TMEM30A: variants seen among roughly 807,000 people sequenced by gnomAD.
TMEM30A encodes the protein cell cycle control protein 50A.
A neutral mutation model predicts 38.2 loss-of-function variants in TMEM30A; 24 were observed. The observed-to-expected ratio is 0.63, with a 90% CI of 0.46 to 0.88. The LOEUF is 0.88. Among genes scored for constraint, TMEM30A ranks in the 40% least tolerant of loss-of-function variants. The pLI is 0.00. For synonymous variants in TMEM30A, 145 were observed against 161.6 expected (o/e 0.90, Z 0.78); for missense variants, 370 against 458.6 (o/e 0.81, Z 1.77).
intron 1 of TMEM30A, among the ~76,000 whole-genome samples, chr6:75,275,484 T>C (rs1238985893): frequency 1.3e-5 from 2 of 152,294 alleles, no homozygotes; most frequent in Non-Finnish European, 2.9e-5. Context: ...ATCCTCTTAC[T>C]AGCATACTTA....
At chr6:75,265,579 A>C (rs1772055153) in intron 2 of TMEM30A, among the ~76,000 whole-genome samples, 1 of 152,240 alleles carries the variant, frequency 6.6e-6, no homozygotes, top group Admixed American at 6.5e-5. Flanking sequence ...ACGTCAAAAA[A>C]GTACTATTTA....
rs1771849492 is a variant in TMEM30A, at chr6:75,255,277, G to C, written c.*825C>G. 1 of 152,570 alleles carries C rather than the reference G, an allele frequency of 6.6e-6. No individual in the cohort carries two copies. Among genetic ancestry groups the C allele is most frequent in the African/African-American group, 2.4e-5 (1 of 41,460 alleles). 9.5% of individuals were successfully genotyped at this position (152,570 alleles called of 1,614,324 possible). A position where few individuals can be genotyped will look rare whatever the true frequency, so the allele number is the denominator to read the frequency against. On this transcript the variant is annotated 3_prime_UTR_variant, in exon 7 of 7. Transcript: ENST00000230461. ...ATTAAGCACTTACATGTGGTTTACA[G>C]TTGAGGCAGAAGATGAAGGTCTGCC...
chr6:75,260,682 A>G (rs1771950225), intron 4 of TMEM30A, 142 bp downstream of exon 4: 2 of 448,524 alleles, frequency 4.5e-6, no homozygotes, highest in South Asian at 6.7e-5. Flanking sequence ...ACAAATCATT[A>G]TAATACCCCA....
rs1330846046 is a variant in TMEM30A at position 75,255,701 on chromosome 6, T to C, written c.*401A>G. The stretch of plus-strand genomic sequence containing the variant: ...AAAGGTTAGCAAGTCATTATACTCA[T>C]ACATCTTGTAATCCCTTTCTCCACA... On this transcript the variant is annotated 3_prime_UTR_variant, in exon 7 of 7. Transcript: ENST00000230461. 1 of 155,634 alleles carries C rather than the reference T, an allele frequency of 6.4e-6. No homozygotes were observed. Among genetic ancestry groups the C allele is most frequent in the East Asian group, 1.9e-4 (1 of 5,308 alleles). The allele number at this position is 155,634 out of a possible 1,614,324, so 9.6% of individuals were successfully genotyped here. A position where few individuals can be genotyped will look rare whatever the true frequency, so the allele number is the denominator to read the frequency against.
intron 1 of TMEM30A, among the ~76,000 whole-genome samples, chr6:75,271,125 C>G (rs377336002): frequency 3.9e-5 from 6 of 152,180 alleles, no homozygotes; most frequent in African/African-American, 1.4e-4. Flanking sequence ...TAAGACTAAT[C>G]TAAGCATTAA....
rs1457049786 is a variant in TMEM30A, at chr6:75,256,030, A to G, written c.*72T>C. 2.8e-6 allele frequency: 3 copies of G among 1,062,768 alleles called. No individual in the cohort carries two copies. The Admixed American group carries it at 7.8e-5, about 28-fold the overall frequency. The allele number at this position is 1,062,768 out of a possible 1,614,324, so 65.8% of individuals were successfully genotyped here. On this transcript the variant is annotated 3_prime_UTR_variant, in exon 7 of 7. Coordinates refer to ENST00000230461, the MANE Select transcript of TMEM30A (RefSeq NM_018247.4). ...CAAAATGACATACTAACCAGATATC[A>G]GCATTCGAAAGCTAGGTTGAATAGG...
rs1231316956 is a variant in TMEM30A at position 75,255,380 on chromosome 6, A to ATAT, written c.*721_*722insATA. On this transcript the variant is annotated 3_prime_UTR_variant, in exon 7 of 7. Coordinates refer to ENST00000230461, the MANE Select transcript of TMEM30A (RefSeq NM_018247.4). ...TTCAAGGGAAATGATTACATATAAA[A>ATAT]ACATTCCAAGTGAGTTGGGGTTCCT... is the stretch of plus-strand genomic sequence containing the variant. The ATAT allele has an allele frequency of 6.6e-6, 1 of 152,540 alleles. No homozygotes were observed. Among genetic ancestry groups the ATAT allele is most frequent in the African/African-American group, 2.4e-5 (1 of 41,446 alleles). The allele number at this position is 152,540 out of a possible 1,614,324, so 9.4% of individuals were successfully genotyped here. A position where few individuals can be genotyped will look rare whatever the true frequency, so the allele number is the denominator to read the frequency against.
chr6:75,264,674 T>C (rs549961179), intron 3 of TMEM30A, among the ~76,000 whole-genome samples: 1 of 151,746 alleles, frequency 6.6e-6, no homozygotes, highest in Non-Finnish European at 1.5e-5. Flanking sequence ...AAAAAATACA[T>C]AGGCACTAAC....
chr6:75,284,702 C>T lies in TMEM30A; in HGVS notation c.-64G>A, dbSNP rs1486003412. On this transcript the variant is annotated 5_prime_UTR_variant, in exon 1 of 7. Coordinates refer to ENST00000230461, the MANE Select transcript of TMEM30A (RefSeq NM_018247.4). ...CACCCAGGGGGCCCGCCGGCTGACC[C>T]TGACAGGAACCGCTCGAGCGCCGCT... The T allele has an allele frequency of 5.2e-6, 8 of 1,551,198 alleles. No homozygotes were observed. The highest frequency in any genetic ancestry group is 1.7e-5 in the Admixed American group (1 of 59,820).
intron 1 of TMEM30A, 74 bp from the exon 2 acceptor site, chr6:75,267,822 A>G (rs1772094779): frequency 2.0e-6 from 2 of 982,310 alleles, no homozygotes; most frequent in Admixed American, 2.6e-5. Context: ...ACGACTTGCT[A>G]TTAAAAGGAA....
rs1451473111 is a variant in TMEM30A at position 75,254,245 on chromosome 6, G to C, written c.*1857C>G. 6.6e-6 allele frequency: 1 copy of C among 152,056 alleles called. No homozygotes were observed. The highest frequency in any genetic ancestry group is 2.4e-5 in the African/African-American group (1 of 41,412). The allele number at this position is 152,056 out of a possible 1,614,324, so 9.4% of individuals were successfully genotyped here. A position where few individuals can be genotyped will look rare whatever the true frequency, so the allele number is the denominator to read the frequency against. Reference sequence around the variant, plus strand: ...ATCCTCTGTGCCCCAGTTAGAAAAAGAGTTGCAGGATGGTAGTCCTCCTTA... The same window carrying C: ...ATCCTCTGTGCCCCAGTTAGAAAAACAGTTGCAGGATGGTAGTCCTCCTTA... On this transcript the variant is annotated 3_prime_UTR_variant, in exon 7 of 7. Coordinates refer to ENST00000230461, the MANE Select transcript of TMEM30A (RefSeq NM_018247.4).
At chr6:75,284,278 G>T in intron 1 of TMEM30A, 124 bp downstream of exon 1, 1 of 859,808 alleles carries the variant, frequency 1.2e-6, no homozygotes, top group South Asian at 1.4e-5. Flanking sequence ...AGAGGGAAGG[G>T]GGTGGTGGAC....
intron 4 of TMEM30A, among the ~76,000 whole-genome samples, chr6:75,259,700 C>T (rs903428996): frequency 6.6e-6 from 1 of 152,180 alleles, no homozygotes; most frequent in Non-Finnish European, 1.5e-5. Flanking sequence ...TAACAGAGTT[C>T]TAATTCAGTT....
chr6:75,281,059 G>C (rs2149525306), intron 1 of TMEM30A, among the ~76,000 whole-genome samples: 1 of 152,212 alleles, frequency 6.6e-6, no homozygotes, highest in South Asian at 2.1e-4. Context: ...CAAACGTGGG[G>C]AATGGGGAGC....
chr6:75,265,677 C>T (rs1362150988), intron 2 of TMEM30A, among the ~76,000 whole-genome samples: 1 of 152,082 alleles, frequency 6.6e-6, no homozygotes, highest in East Asian at 1.9e-4. Flanking sequence ...TGGTCTTCAC[C>T]CAGTTAGCAT....
At chr6:75,277,305 CAAAAAA>C (rs60419282) in intron 1 of TMEM30A, among the ~76,000 whole-genome samples, 1 of 91,720 alleles carries the variant, frequency 1.1e-5, no homozygotes. Context: ...TGTCCTCATC[CAAAAAA>C]AAAAAAAAAA....
chr6:75,271,349 A>G (rs1241315783), intron 1 of TMEM30A, among the ~76,000 whole-genome samples: 2 of 152,220 alleles, frequency 1.3e-5, no homozygotes, highest in Non-Finnish European at 2.9e-5. Context: ...TGGAACCAAG[A>G]GTAATCACTG....
At chr6:75,277,658 A>G (rs1049941857) in intron 1 of TMEM30A, among the ~76,000 whole-genome samples, 1 of 151,986 alleles carries the variant, frequency 6.6e-6, no homozygotes, top group Non-Finnish European at 1.5e-5. Flanking sequence ...TAATCCCAAC[A>G]CTCTGGGAGG....
rs567435807 is a variant in TMEM30A at position 75,282,949 on chromosome 6, T to C, written c.237+1453A>G. Among the ~76,000 whole-genome samples the C allele has an allele frequency of 2.0e-5, 3 of 152,262 alleles. No homozygotes were observed. In the East Asian group the frequency reaches 5.8e-4, roughly 29 times the overall value. ...TCCTTGCATGACACCGCTTTGCCCA[T>C]ATCCTAATATAATGTGGGATCCCAG... On this transcript the variant is annotated intron_variant, in intron 1 of 6. Transcript: ENST00000230461.
Sources: allele counts gnomAD v4.1 joint callset (sites outside exome capture counted in the v4.1 genomes callset), GRCh38; gene constraint gnomAD v4.1.1; transcripts MANE v1.5; gene names NCBI Gene and HGNC (gene_info 2026-07-23, HGNC 2026-07-21).